The following SLC30A8 variants were observed in gnomAD, a reference collection of about 807,000 sequenced individuals.
SLC30A8 encodes the protein solute carrier family 30 member 8.
Under a neutral mutation model 36.9 loss-of-function variants are expected in SLC30A8, and 27 were observed. The observed-to-expected ratio is 0.73, with a 90% CI of 0.54 to 1.01. The LOEUF (loss-of-function observed/expected upper bound fraction) is 1.01. Ranked by LOEUF, SLC30A8 falls within the 50% of genes least tolerant of loss-of-function variation. The pLI is 0.00. For missense variants in SLC30A8, 439 were observed against 452.0 expected, an observed-to-expected ratio of 0.97 and a Z score of 0.26; for synonymous variants, 164 against 172.4, an observed-to-expected ratio of 0.95 and a Z score of 0.38.
At position 117,121,508 on chromosome 8, in the gene SLC30A8, C is replaced by T. The variant is rs188650170; in HGVS notation, c.-225-13772C>T. Among the ~76,000 whole-genome samples, 1,085 of 151,958 alleles carry T rather than the reference C, an allele frequency of 7.1e-3. 8 individuals carry two copies. Among genetic ancestry groups the T allele is most frequent in the Non-Finnish European group, 0.013 (864 of 67,890 alleles). On this transcript the variant is annotated intron_variant, in intron 2 of 10. Transcript: ENST00000427715. ...CCCAGATGGTGCCTTCTTGTTGTGT[C>T]CTCACATGATTCTCTCTTGTGCCTC...
intron 4 of SLC30A8, 58 bp downstream of exon 4, chr8:117,157,902 AC>A: frequency 6.3e-7 from 1 of 1,581,088 alleles, no homozygotes; most frequent in Non-Finnish European, 8.6e-7. Flanking sequence ...AACTATCTGG[AC>A]AAAGTCGACC....
At chr8:116,970,573 T>C (rs1268611646) in intron 1 of SLC30A8, among the ~76,000 whole-genome samples, 2 of 152,192 alleles carry the variant, frequency 1.3e-5, no homozygotes, top group Non-Finnish European at 2.9e-5. Flanking sequence ...AGCAATGTGT[T>C]GGACTATAAC....
intron 2 of SLC30A8, among the ~76,000 whole-genome samples, chr8:117,089,472 C>T (rs901418112): frequency 7.2e-5 from 11 of 152,168 alleles, no homozygotes; most frequent in African/African-American, 2.7e-4. Flanking sequence ...AATCTGACTC[C>T]TGCTTCATTC....
At chr8:116,980,814 C>A (rs1249112504) in intron 1 of SLC30A8, among the ~76,000 whole-genome samples, 1 of 152,216 alleles carries the variant, frequency 6.6e-6, no homozygotes, top group African/African-American at 2.4e-5. Flanking sequence ...AACCAATGCA[C>A]ATATGAATAT....
chr8:117,159,613 G>A (rs527347564), intron 4 of SLC30A8, among the ~76,000 whole-genome samples: 11 of 152,304 alleles, frequency 7.2e-5, no homozygotes, highest in African/African-American at 2.6e-4. Flanking sequence ...CATTGGCACT[G>A]GGAGAAAAAG....
chr8:117,131,811 T>C (rs1005179706), upstream of SLC30A8, among the ~76,000 whole-genome samples: 2 of 151,954 alleles, frequency 1.3e-5, no homozygotes, highest in African/African-American at 4.8e-5. Context: ...TTTATACATA[T>C]TATCTGTTTT....
intron 2 of SLC30A8, among the ~76,000 whole-genome samples, chr8:117,045,901 G>C (rs1304865560): frequency 1.3e-5 from 2 of 151,462 alleles, no homozygotes; most frequent in Admixed American, 1.3e-4. Context: ...CTTTTTCAAG[G>C]AGAGCCTGGG....
At chr8:117,023,608 A>G (rs1415769208) in intron 1 of SLC30A8, among the ~76,000 whole-genome samples, 2 of 152,026 alleles carry the variant, frequency 1.3e-5, no homozygotes, top group East Asian at 1.9e-4. Context: ...ATTCTCAGCA[A>G]ACTATCACAA....
chr8:116,977,395 C>T (rs1489523217), intron 1 of SLC30A8, among the ~76,000 whole-genome samples: 1 of 141,834 alleles, frequency 7.1e-6, no homozygotes, highest in South Asian at 2.3e-4. Context: ...CCTCGTGATT[C>T]GCCTGCCTCC....
intron 1 of SLC30A8, among the ~76,000 whole-genome samples, chr8:116,999,743 A>G (rs779673142): frequency 7.9e-5 from 12 of 152,204 alleles, no homozygotes; most frequent in Non-Finnish European, 1.8e-4. Flanking sequence ...TTGATATTTT[A>G]TATTGACATA....
intron 2 of SLC30A8, among the ~76,000 whole-genome samples, chr8:117,150,636 C>T (rs542539949): frequency 7.2e-4 from 109 of 152,164 alleles, no homozygotes; most frequent in Non-Finnish European, 1.4e-3. Flanking sequence ...GACGGGGTCT[C>T]GTTCTGTCAC....
chr8:117,152,635 G>A lies in SLC30A8; in HGVS notation c.272-309G>A, dbSNP rs184878326. Among the ~76,000 whole-genome samples, 26 of 152,228 alleles carry A rather than the reference G, an allele frequency of 1.7e-4. No homozygotes were observed. In the East Asian group the frequency reaches 4.8e-3, roughly 28 times the overall value. On this transcript the variant is annotated intron_variant, in intron 2 of 7. Coordinates refer to ENST00000456015, the MANE Select transcript of SLC30A8 (RefSeq NM_173851.3). ...CGCACTGCTTCAGCCTGATTCTCTTGTATTCTCCTCTTTTGAATCCTTATA... is the reference window on the plus strand; with the variant it reads ...CGCACTGCTTCAGCCTGATTCTCTTATATTCTCCTCTTTTGAATCCTTATA...
intron 1 of SLC30A8, among the ~76,000 whole-genome samples, chr8:117,026,156 T>A (rs916987186): frequency 6.6e-6 from 1 of 152,212 alleles, no homozygotes; most frequent in Non-Finnish European, 1.5e-5. Flanking sequence ...CCTGGCTGAC[T>A]TTGGTGTGCT....
Position 117,175,448 on chromosome 8 carries a change from T to TGAA in SLC30A8, c.*2768_*2770dup, listed in dbSNP as rs1823630430. The stretch of plus-strand genomic sequence containing the variant: ...TGGGAAATGGGAATGTTGAAGGACA[T>TGAA]GAAAGAAAGGATGTTTACACATTAA... On this transcript the variant is annotated 3_prime_UTR_variant, in exon 8 of 8. Transcript: ENST00000456015. 6.6e-6 allele frequency: 1 copy of TGAA among 152,052 alleles called. No individual in the cohort carries two copies. The highest frequency in any genetic ancestry group is 6.6e-5 in the Admixed American group (1 of 15,244). The allele number at this position is 152,052 out of a possible 1,614,324, so 9.4% of individuals were successfully genotyped here.
intron 1 of SLC30A8, among the ~76,000 whole-genome samples, chr8:117,019,933 A>G (rs1255366986): frequency 4.6e-5 from 7 of 152,226 alleles, no homozygotes; most frequent in African/African-American, 1.7e-4. Flanking sequence ...CACATCTTCA[A>G]AGAACATGTA....
At chr8:117,117,570 G>A (rs1820496688) in intron 2 of SLC30A8, among the ~76,000 whole-genome samples, 1 of 151,978 alleles carries the variant, frequency 6.6e-6, no homozygotes, top group Admixed American at 6.6e-5. Context: ...TTATTTAACA[G>A]TGAAATAGAA....
chr8:117,101,447 G>C (rs914512644), intron 2 of SLC30A8, among the ~76,000 whole-genome samples: 8 of 152,246 alleles, frequency 5.3e-5, no homozygotes, highest in South Asian at 2.1e-4. Context: ...TTTACATACT[G>C]CCTGTGATCA....
intron 2 of SLC30A8, among the ~76,000 whole-genome samples, chr8:117,127,456 T>A (rs1820953015): frequency 6.6e-6 from 1 of 152,068 alleles, no homozygotes; most frequent in Non-Finnish European, 1.5e-5. Context: ...CTTAGGTTGT[T>A]GGAAGAGACA....
At chr8:116,956,656 T>C (rs1225108367) in intron 1 of SLC30A8, among the ~76,000 whole-genome samples, 2 of 152,204 alleles carry the variant, frequency 1.3e-5, no homozygotes, top group Admixed American at 1.3e-4. Context: ...ATAGTCTCTC[T>C]CTTATTTAAT....
Sources: allele counts gnomAD v4.1 joint callset (sites outside exome capture counted in the v4.1 genomes callset), GRCh38; gene constraint gnomAD v4.1.1; transcripts MANE v1.5; gene names NCBI Gene and HGNC (gene_info 2026-07-23, HGNC 2026-07-21).